The following GABRB3 variants were observed in gnomAD, a reference collection of about 807,000 sequenced individuals.
GABRB3 encodes gamma-aminobutyric acid receptor subunit beta-3.
A neutral mutation model predicts 52.1 loss-of-function variants in GABRB3; 14 were observed. The ratio of observed to expected loss-of-function variants is 0.27; its 90% confidence interval spans 0.18 to 0.42. GABRB3 has a LOEUF of 0.42. Among genes scored for constraint, GABRB3 ranks in the 10% least tolerant of loss-of-function variants. GABRB3 has a pLI of 1.00. For synonymous variants in GABRB3, 260 were observed against 232.3 expected (o/e 1.12, Z -1.08); for missense variants, 307 against 609.1 (o/e 0.50, Z 5.22).
intron 2 of GABRB3, 74 bp downstream of exon 2, chr15:26,772,607 C>T (rs1211053902): frequency 6.9e-7 from 1 of 1,447,452 alleles, no homozygotes; most frequent in Non-Finnish European, 9.3e-7. Flanking sequence ...CGGATGCGGC[C>T]CCCGCCTCCC....
intron 4 of GABRB3, chr15:26,616,018 T>C (rs1274218489): frequency 7.8e-7 from 1 of 1,289,218 alleles, no homozygotes; most frequent in Non-Finnish European, 1.0e-6. Context: ...AACTTCAGTG[T>C]TCTCAGCTGT....
intron 3 of GABRB3, among the ~76,000 whole-genome samples, chr15:26,722,730 A>G (rs1364369222): frequency 6.6e-6 from 1 of 152,202 alleles, no homozygotes; most frequent in Non-Finnish European, 1.5e-5. Flanking sequence ...AAGCAGTCAC[A>G]GAAATCAGGG....
intron 3 of GABRB3, among the ~76,000 whole-genome samples, chr15:26,724,970 C>A (rs1049995672): frequency 7.2e-5 from 11 of 152,144 alleles, no homozygotes; most frequent in Admixed American, 2.0e-4. Context: ...TGACATTCTT[C>A]AGTTGACACA....
chr15:26,669,865 G>T (rs1887833303), intron 3 of GABRB3, among the ~76,000 whole-genome samples: 1 of 152,112 alleles, frequency 6.6e-6, no homozygotes, highest in Non-Finnish European at 1.5e-5. Flanking sequence ...TCTCTTTTGG[G>T]TCAAGTTAAC....
rs533892412 is a variant in GABRB3 at position 26,564,823 on chromosome 15, T to TG, written c.835+2757_835+2758insC. Among the ~76,000 whole-genome samples, 774 of 152,322 alleles carry TG rather than the reference T, an allele frequency of 5.1e-3. 5 individuals carry two copies. Among genetic ancestry groups the TG allele is most frequent in the Non-Finnish European group, 8.2e-3 (558 of 68,032 alleles). On this transcript the variant is annotated intron_variant, in intron 7 of 8. Transcript: ENST00000311550. ...TAATGTTTGGTTAGCTTTTTTCTTT[T>TG]CTTAAACAAATCCATGACTTTTACA...
At chr15:26,708,750 G>A (rs4906895) in intron 3 of GABRB3, among the ~76,000 whole-genome samples, 78,637 of 152,030 alleles carry the variant, frequency 0.52, 22,171 homozygotes, top group East Asian at 0.8. Context: ...CAAACTCCAA[G>A]GCTATCAGAG....
intron 3 of GABRB3, among the ~76,000 whole-genome samples, chr15:26,766,643 T>C (rs778355264): frequency 6.6e-5 from 10 of 151,640 alleles, no homozygotes; most frequent in Non-Finnish European, 1.2e-4. Context: ...CAGAATATTT[T>C]ATCTTTGGAA....
At position 26,683,856 on chromosome 15, in the gene GABRB3, G is replaced by A. The variant is rs1020162104; in HGVS notation, c.241-62322C>T. Among the ~76,000 whole-genome samples, 18 of 152,236 alleles carry A rather than the reference G, an allele frequency of 1.2e-4. No individual in the cohort carries two copies. The East Asian group carries it at 1.6e-3, about 13-fold the overall frequency. Reference sequence around the variant, plus strand: ...AATGGCATGAAGAATGTCTCCAATCGGAGGACTGGAGACCTCTCTAGGGAG... The same window carrying A: ...AATGGCATGAAGAATGTCTCCAATCAGAGGACTGGAGACCTCTCTAGGGAG... On this transcript the variant is annotated intron_variant, in intron 3 of 8. Coordinates refer to ENST00000311550, the MANE Select transcript of GABRB3 (RefSeq NM_000814.6).
intron 3 of GABRB3, among the ~76,000 whole-genome samples, chr15:26,731,033 C>T (rs1382946337): frequency 6.6e-6 from 1 of 151,136 alleles, no homozygotes; most frequent in African/African-American, 2.5e-5. Flanking sequence ...TTCAGCAACA[C>T]CAGTATTAAT....
chr15:26,620,281 A>T (rs139532538), intron 4 of GABRB3, among the ~76,000 whole-genome samples: 1 of 152,266 alleles, frequency 6.6e-6, no homozygotes, highest in Non-Finnish European at 1.5e-5. Flanking sequence ...TCTGCTCTCT[A>T]TACTGCGGTT....
chr15:26,748,277 C>T (rs980306603), intron 3 of GABRB3, among the ~76,000 whole-genome samples: 1 of 152,114 alleles, frequency 6.6e-6, no homozygotes, highest in Non-Finnish European at 1.5e-5. Context: ...CTAGAGGAGA[C>T]TGCATACAGC....
chr15:26,572,517 G>C (rs1484002041), intron 6 of GABRB3, among the ~76,000 whole-genome samples: 8 of 152,156 alleles, frequency 5.3e-5, no homozygotes, highest in East Asian at 1.9e-4. Flanking sequence ...CTAGGCAAAG[G>C]CTTTTCCCAT....
chr15:26,643,308 G>A (rs1348298753), intron 3 of GABRB3, among the ~76,000 whole-genome samples: 1 of 152,158 alleles, frequency 6.6e-6, no homozygotes, highest in Non-Finnish European at 1.5e-5. Flanking sequence ...TCAGAATGAT[G>A]GGATGCCAGA....
intron 3 of GABRB3, among the ~76,000 whole-genome samples, chr15:26,667,757 C>G (rs1000501816): frequency 6.6e-6 from 1 of 152,120 alleles, no homozygotes; most frequent in Non-Finnish European, 1.5e-5. Context: ...GGCCTCATCC[C>G]AGACCAGTTT....
At chr15:26,578,241 GC>G (rs1211202660) in intron 6 of GABRB3, among the ~76,000 whole-genome samples, 5 of 152,164 alleles carry the variant, frequency 3.3e-5, no homozygotes, top group Admixed American at 3.3e-4. Context: ...TGCAACTTAT[GC>G]CATTTCTTCA....
intron 3 of GABRB3, among the ~76,000 whole-genome samples, chr15:26,740,743 C>T (rs922177755): frequency 2.0e-5 from 3 of 152,186 alleles, no homozygotes; most frequent in South Asian, 2.1e-4. Flanking sequence ...CCACATCTAA[C>T]GTGATGGTCA....
chr15:26,567,819 G>A (rs1890235140), intron 6 of GABRB3, 86 bp from the exon 7 acceptor site: 3 of 1,347,564 alleles, frequency 2.2e-6, no homozygotes, highest in Non-Finnish European at 3.2e-6. Context: ...GTCAACAACA[G>A]GCAATGGAAA....
At chr15:26,672,291 G>T (rs1243742597) in intron 3 of GABRB3, among the ~76,000 whole-genome samples, 1 of 152,056 alleles carries the variant, frequency 6.6e-6, no homozygotes, top group Non-Finnish European at 1.5e-5. Context: ...CCATCTCCAG[G>T]CATTTTATAA....
intron 3 of GABRB3, among the ~76,000 whole-genome samples, chr15:26,641,924 G>A (rs1396207802): frequency 6.7e-6 from 1 of 150,240 alleles, no homozygotes; most frequent in Non-Finnish European, 1.5e-5. Flanking sequence ...AGGTCTCACT[G>A]TGTCACCCAA....
Sources: allele counts gnomAD v4.1 joint callset (sites outside exome capture counted in the v4.1 genomes callset), GRCh38; gene constraint gnomAD v4.1.1; transcripts MANE v1.5; gene names NCBI Gene and HGNC (gene_info 2026-07-23, HGNC 2026-07-21).